The following MYSM1 variants were observed in gnomAD, a reference collection of about 807,000 sequenced individuals.
The protein encoded by MYSM1 is deubiquitinase MYSM1.
A neutral mutation model predicts 116.0 loss-of-function variants in MYSM1; 51 were observed. The observed-to-expected ratio is 0.44, with a 90% CI of 0.35 to 0.56. The LOEUF (loss-of-function observed/expected upper bound fraction) is 0.56, where lower values mean the gene tolerates loss of function less well. Ranked by LOEUF, MYSM1 falls within the 20% of genes least tolerant of loss-of-function variation. MYSM1 has a pLI of 0.00. For missense variants in MYSM1, 900 were observed against 974.9 expected (o/e 0.92, Z 1.02); for synonymous variants, 313 against 315.2 (o/e 0.99, Z 0.07).
At chr1:58,682,745 G>C (rs1270364943) in intron 7 of MYSM1, among the ~76,000 whole-genome samples, 200 bp from the exon 8 acceptor site, 2 of 150,252 alleles carry the variant, frequency 1.3e-5, no homozygotes, top group African/African-American at 4.9e-5. Flanking sequence ...ACCCAGGCTG[G>C]AGTGCAGTGG....
At chr1:58,661,645 A>G in intron 17 of MYSM1, 134 bp from the exon 18 acceptor site, 1 of 548,866 alleles carries the variant, frequency 1.8e-6, no homozygotes, top group Non-Finnish European at 3.2e-6. Flanking sequence ...CACTTTAAAC[A>G]TAGTGGGCAT....
At chr1:58,672,485 G>A (rs1251737039) in intron 11 of MYSM1, among the ~76,000 whole-genome samples, 1 of 151,944 alleles carries the variant, frequency 6.6e-6, no homozygotes, top group Middle Eastern at 3.2e-3. Context: ...CACTGTCATG[G>A]TATTATTGTG....
At chr1:58,698,102 A>ATTTTTTTTTTTTTTTTTTTT (rs1553140002) in intron 1 of MYSM1, among the ~76,000 whole-genome samples, 2 of 7,770 alleles carry the variant, frequency 2.6e-4, no homozygotes, top group Non-Finnish European at 3.6e-4. Context: ...ATATATATAT[A>ATTTTTTTTTTTTTTTTTTTT]TTTTTTTTTT....
intron 16 of MYSM1, 136 bp from the exon 17 acceptor site, chr1:58,665,767 C>T (rs1024787306): frequency 1.3e-5 from 8 of 635,166 alleles, no homozygotes; most frequent in Admixed American, 6.4e-5. Context: ...ACATCTGGCC[C>T]GGCACAGTGG....
chr1:58,659,947 G>T lies in MYSM1; in HGVS notation c.*50C>A. On this transcript the variant is annotated 3_prime_UTR_variant, in exon 20 of 20. Transcript: ENST00000472487. The stretch of plus-strand genomic sequence containing the variant: ...ACAATCACTTCAAGTTTATAACTTT[G>T]AAAGTAAGATCTACTGTGTCAAGAT... The T allele has an allele frequency of 8.3e-7, 1 of 1,204,342 alleles. No homozygotes were observed. Among genetic ancestry groups the T allele is most frequent in the Non-Finnish European group, 1.1e-6 (1 of 901,434 alleles). The allele number at this position is 1,204,342 out of a possible 1,614,324, so 74.6% of individuals were successfully genotyped here. A position where few individuals can be genotyped will look rare whatever the true frequency, so the allele number is the denominator to read the frequency against.
chr1:58,696,695 C>T (rs548226516), intron 1 of MYSM1, among the ~76,000 whole-genome samples: 4 of 152,290 alleles, frequency 2.6e-5, no homozygotes, highest in African/African-American at 9.6e-5. Context: ...TTTCTCCACC[C>T]ATCTCCATCT....
intron 1 of MYSM1, chr1:58,699,544 T>C: frequency 1.2e-6 from 1 of 814,488 alleles, no homozygotes; most frequent in Non-Finnish European, 1.5e-6. Context: ...GTTTTACAAC[T>C]ATCCCCATGT....
At chr1:58,665,222 A>G (rs1319393128) in intron 17 of MYSM1, among the ~76,000 whole-genome samples, 1 of 152,166 alleles carries the variant, frequency 6.6e-6, no homozygotes, top group African/African-American at 2.4e-5. Flanking sequence ...CAACATCTCC[A>G]GTGCCTAGCA....
At chr1:58,661,642 A>T in intron 17 of MYSM1, 131 bp from the exon 18 acceptor site, 1 of 556,466 alleles carries the variant, frequency 1.8e-6, no homozygotes, top group South Asian at 2.6e-5. Flanking sequence ...CAGCACTTTA[A>T]ACATAGTGGG....
rs761008705 is a variant in MYSM1 at position 58,661,383 on chromosome 1, C to A, written c.2270+23G>T. 2.8e-6 allele frequency: 4 copies of A among 1,413,018 alleles called. No homozygotes were observed. In the East Asian group the frequency reaches 6.8e-5, roughly 24 times the overall value. 87.5% of individuals were successfully genotyped at this position (1,413,018 alleles called of 1,614,324 possible). On this transcript the variant is annotated intron_variant, in intron 18 of 19. Transcript: ENST00000472487. ...AATGAGCAACACTGCAGATGTGCAA[C>A]CATCTCAAACCACAGTACATACCTA...
Position 58,685,133 on chromosome 1 carries a change from G to T in MYSM1, c.498+20C>A. On this transcript the variant is annotated intron_variant, in intron 7 of 19. Transcript: ENST00000472487. ...TCTAAATATTATCATTATTAACCAG[G>T]ATACTGATATTCTGCTTACCTTATT... 6.6e-7 allele frequency: 1 copy of T among 1,513,400 alleles called. No individual in the cohort carries two copies. Among genetic ancestry groups the T allele is most frequent in the Non-Finnish European group, 9.0e-7 (1 of 1,114,784 alleles). 93.7% of individuals were successfully genotyped at this position (1,513,400 alleles called of 1,614,324 possible).
intron 8 of MYSM1, among the ~76,000 whole-genome samples, chr1:58,680,414 A>C (rs548675995): frequency 2.1e-4 from 32 of 152,330 alleles, no homozygotes; most frequent in African/African-American, 7.7e-4. Flanking sequence ...GCTCTTTAAC[A>C]ACTATAAAGC....
intron 8 of MYSM1, among the ~76,000 whole-genome samples, chr1:58,679,973 G>C (rs1487528365): frequency 6.7e-6 from 1 of 149,334 alleles, no homozygotes; most frequent in Non-Finnish European, 1.5e-5. Flanking sequence ...GTTGCAGTGA[G>C]CTGAGATCAT....
chr1:58,673,733 A>G, intron 10 of MYSM1, 83 bp from the exon 11 acceptor site: 10 of 1,147,004 alleles, frequency 8.7e-6, no homozygotes, highest in Non-Finnish European at 1.2e-5. Context: ...AATGAAAACA[A>G]TAATTATCTA....
intron 7 of MYSM1, 99 bp downstream of exon 7, chr1:58,685,052 CTT>C: frequency 1.1e-6 from 1 of 949,542 alleles, no homozygotes; most frequent in East Asian, 2.7e-5. Context: ...ACTTTAAAAA[CTT>C]TTACCAGTAA....
At chr1:58,667,765 A>G (rs1204786407) in intron 15 of MYSM1, 82 bp downstream of exon 15, 1 of 824,428 alleles carries the variant, frequency 1.2e-6, no homozygotes, top group South Asian at 1.5e-5. Context: ...TATTTTAATT[A>G]TATTAACTGA....
rs368658648 is a variant in MYSM1 at position 58,660,029 on chromosome 1, C to T, written c.2455G>A (p.Glu819Lys). 5 of 1,602,986 alleles carry T rather than the reference C, an allele frequency of 3.1e-6. No homozygotes were observed. Among genetic ancestry groups the T allele is most frequent in the East Asian group, 2.2e-5 (1 of 44,658 alleles). ...AACAATTCCTTTGTACAGTTCTCTTCGGTTACTCCATTCTCTTGGTTGCTT... is the reference window on the plus strand; with the variant it reads ...AACAATTCCTTTGTACAGTTCTCTTTGGTTACTCCATTCTCTTGGTTGCTT... ...YKSNQENGVT[E>K]ENCTKELLM The change falls in exon 20 of 20, where the codon GAA (glutamate) becomes AAA (lysine). Residue 819 changes from glutamate to lysine, a missense_variant. Coordinates refer to ENST00000472487, the MANE Select transcript of MYSM1 (RefSeq NM_001085487.3).
chr1:58,685,903 G>GT (rs1644820830), intron 6 of MYSM1, among the ~76,000 whole-genome samples: 1 of 152,116 alleles, frequency 6.6e-6, no homozygotes, highest in Non-Finnish European at 1.5e-5. Context: ...ACAAACTCTG[G>GT]TTTTCTCCTG....
At chr1:58,690,737 A>G (rs1418667131) in intron 3 of MYSM1, among the ~76,000 whole-genome samples, 1 of 151,232 alleles carries the variant, frequency 6.6e-6, no homozygotes, top group Non-Finnish European at 1.5e-5. Flanking sequence ...TGTGGGGCCC[A>G]AGAAAATTCT....
Sources: allele counts gnomAD v4.1 joint callset (sites outside exome capture counted in the v4.1 genomes callset), GRCh38; gene constraint gnomAD v4.1.1; transcripts MANE v1.5; gene names NCBI Gene and HGNC (gene_info 2026-07-23, HGNC 2026-07-21).